The following NHSL1 variants were observed in gnomAD, a reference collection of about 807,000 sequenced individuals.
NHSL1 encodes NHS-like protein 1.
In NHSL1, 48 loss-of-function variants were observed where a neutral mutation model predicts 95.0. The observed-to-expected ratio is 0.51, with a 90% CI of 0.40 to 0.64. The LOEUF (loss-of-function observed/expected upper bound fraction) is 0.64, where lower values mean the gene tolerates loss of function less well. Among genes scored for constraint, NHSL1 ranks in the 30% least tolerant of loss-of-function variants. NHSL1 has a pLI of 0.00. For missense variants in NHSL1, 1,971 were observed against 2,077.7 expected (o/e 0.95, Z 1.00); for synonymous variants, 783 against 833.9 (o/e 0.94, Z 1.05).
At chr6:138,525,238 A>G (rs9495108) in intron 1 of NHSL1, among the ~76,000 whole-genome samples, 10,878 of 152,222 alleles carry the variant, frequency 0.071, 1,252 homozygotes, top group African/African-American at 0.25. Flanking sequence ...ATCAAAAACA[A>G]GAAGGGGCTG....
rs59077313 is a variant in NHSL1 at position 138,608,579 on chromosome 6, G to A, written c.96+83897C>T. ...AAAAATCCTTTCTTGAGCCTATTAA[G>A]TTTGATAAAACTTGTTATCCATACT... On this transcript the variant is annotated intron_variant, in intron 1 of 3. Coordinates refer to the NHSL1 transcript ENST00000491526. Among the ~76,000 whole-genome samples, 921 of 152,276 alleles carry A rather than the reference G, an allele frequency of 6.0e-3. 11 individuals are homozygous for A. Among genetic ancestry groups the A allele is most frequent in the African/African-American group, 0.019 (792 of 41,548 alleles).
At chr6:138,661,140 G>A (rs758079462) in intron 1 of NHSL1, among the ~76,000 whole-genome samples, 1 of 152,068 alleles carries the variant, frequency 6.6e-6, no homozygotes, top group Non-Finnish European at 1.5e-5. Context: ...TGTGTATGGT[G>A]GAAACACTTC....
At chr6:138,589,274 C>A (rs944716216) in intron 1 of NHSL1, among the ~76,000 whole-genome samples, 2 of 152,222 alleles carry the variant, frequency 1.3e-5, no homozygotes, top group African/African-American at 4.8e-5. Context: ...AGAGGGCGTG[C>A]CAGCATCCCA....
At chr6:138,454,228 C>T (rs939725320) in intron 3 of NHSL1, among the ~76,000 whole-genome samples, 3 of 152,016 alleles carry the variant, frequency 2.0e-5, no homozygotes, top group Non-Finnish European at 2.9e-5. Flanking sequence ...CTTGCTTTGA[C>T]TTTTACAAAA....
intron 1 of NHSL1, among the ~76,000 whole-genome samples, chr6:138,516,742 C>T (rs1047529362): frequency 6.6e-6 from 1 of 152,020 alleles, no homozygotes; most frequent in African/African-American, 2.4e-5. Flanking sequence ...TCAAGTCATC[C>T]TCCCACCTCA....
At chr6:138,553,334 T>C (rs1379260347) in intron 1 of NHSL1, among the ~76,000 whole-genome samples, 1 of 152,226 alleles carries the variant, frequency 6.6e-6, no homozygotes, top group Non-Finnish European at 1.5e-5. Flanking sequence ...TTTACTTCTC[T>C]AAAGCCTCAT....
intron 5 of NHSL1, among the ~76,000 whole-genome samples, chr6:138,440,992 T>C (rs1440192973): frequency 6.6e-6 from 1 of 152,254 alleles, no homozygotes; most frequent in Admixed American, 6.5e-5. Context: ...TTAAGTTTCC[T>C]ATAATAATGA....
chr6:138,661,175 A>G (rs1325406529), intron 1 of NHSL1, among the ~76,000 whole-genome samples: 4 of 152,158 alleles, frequency 2.6e-5, no homozygotes, highest in African/African-American at 9.7e-5. Context: ...AACAAATTTC[A>G]TACATTATCA....
intron 1 of NHSL1, among the ~76,000 whole-genome samples, chr6:138,688,380 T>G (rs537512113): frequency 2.4e-4 from 37 of 152,038 alleles, no homozygotes; most frequent in Non-Finnish European, 4.7e-4. Flanking sequence ...GCACAGTGGC[T>G]CACGCCTGTA....
chr6:138,483,013 T>G (rs2128264249), intron 2 of NHSL1, among the ~76,000 whole-genome samples: 1 of 152,320 alleles, frequency 6.6e-6, no homozygotes, highest in Non-Finnish European at 1.5e-5. Flanking sequence ...CAACTTGGAT[T>G]CCTAGCAAGT....
chr6:138,678,316 A>G (rs906876425), intron 1 of NHSL1, among the ~76,000 whole-genome samples: 1 of 152,226 alleles, frequency 6.6e-6, no homozygotes, highest in African/African-American at 2.4e-5. Context: ...GGCAACACTA[A>G]CAAAAAGACT....
chr6:138,681,643 C>T (rs1785512775), intron 1 of NHSL1, among the ~76,000 whole-genome samples: 1 of 152,190 alleles, frequency 6.6e-6, no homozygotes, highest in South Asian at 2.1e-4. Flanking sequence ...ACCTCAACAG[C>T]AGTTCTCAGA....
At chr6:138,628,369 T>C (rs1004532400) in intron 1 of NHSL1, among the ~76,000 whole-genome samples, 1 of 152,110 alleles carries the variant, frequency 6.6e-6, no homozygotes, top group Admixed American at 6.5e-5. Context: ...TCCATATTCA[T>C]GATTTCCTAT....
chr6:138,617,552 C>G lies in NHSL1; in HGVS notation c.96+74924G>C, dbSNP rs532975691. The stretch of plus-strand genomic sequence containing the variant: ...GTCCAGTATTTGTATATAGAGCAAA[C>G]ACTGTTTTCTAGAACAACATGAATC... On this transcript the variant is annotated intron_variant, in intron 1 of 3. Coordinates refer to the NHSL1 transcript ENST00000491526. Among the ~76,000 whole-genome samples the G allele has an allele frequency of 4.6e-5, 7 of 152,312 alleles. 1 individual carries two copies. The South Asian group carries it at 1.5e-3, about 32-fold the overall frequency.
chr6:138,660,890 G>C (rs556270814), intron 1 of NHSL1, among the ~76,000 whole-genome samples: 1 of 152,068 alleles, frequency 6.6e-6, no homozygotes, highest in Non-Finnish European at 1.5e-5. Flanking sequence ...TCAGGAGTTC[G>C]AGATCAGCCT....
intron 1 of NHSL1, among the ~76,000 whole-genome samples, chr6:138,508,845 T>C (rs1000557095): frequency 2.0e-5 from 3 of 151,682 alleles, no homozygotes; most frequent in Non-Finnish European, 4.4e-5. Flanking sequence ...TATGCCTTTC[T>C]TGCAGAAAAA....
At chr6:138,627,523 T>C (rs986591001) in intron 1 of NHSL1, among the ~76,000 whole-genome samples, 3 of 152,192 alleles carry the variant, frequency 2.0e-5, no homozygotes, top group Non-Finnish European at 4.4e-5. Context: ...AAAGCTTCTT[T>C]AATCGTCAGA....
intron 1 of NHSL1, 86 bp from the exon 2 acceptor site, chr6:138,496,457 A>C (rs1402658414): frequency 2.9e-6 from 4 of 1,368,078 alleles, no homozygotes; most frequent in Non-Finnish European, 3.0e-6. Context: ...CATGTCTAAC[A>C]CATCCACGGG....
chr6:138,597,957 A>G (rs941508513), intron 1 of NHSL1, among the ~76,000 whole-genome samples: 10 of 152,100 alleles, frequency 6.6e-5, no homozygotes, highest in African/African-American at 2.4e-4. Flanking sequence ...GACCTTGATG[A>G]TGATTTCCAG....
Sources: gnomAD v4.1 joint callset for allele counts (sites outside exome capture counted in the v4.1 genomes callset) on GRCh38, gnomAD v4.1.1 for gene constraint, MANE v1.5 for transcripts, NCBI Gene and HGNC (gene_info 2026-07-23, HGNC 2026-07-21) for gene names.